The following NIN variants were observed in gnomAD, a reference collection of about 807,000 sequenced individuals.
NIN encodes the protein glycogen synthase kinase 3 beta-interacting protein.
A neutral mutation model predicts 257.6 loss-of-function variants in NIN; 137 were observed. The ratio of observed to expected loss-of-function variants is 0.53; its 90% CI spans 0.46 to 0.61. NIN has a LOEUF of 0.61. Ranked by LOEUF, NIN falls within the 20% of genes least tolerant of loss-of-function variation. The probability of loss-of-function intolerance (pLI) is 0.00; values close to 1 mark genes in which losing one functional copy is unlikely to be tolerated. For missense variants in NIN, 2,439 were observed against 2,501.2 expected (o/e 0.98, Z 0.53); for synonymous variants, 918 against 919.8 (o/e 1.00, Z 0.04).
At chr14:50,759,264 A>G (rs532984135) in intron 17 of NIN, among the ~76,000 whole-genome samples, 1 of 152,346 alleles carries the variant, frequency 6.6e-6, no homozygotes, top group South Asian at 2.1e-4. Flanking sequence ...GGAAGGAACC[A>G]CTTTTGGGAT....
At chr14:50,823,057 A>T in intron 2 of NIN, 1 of 398,896 alleles carries the variant, frequency 2.5e-6, no homozygotes, top group East Asian at 5.6e-5. Context: ...TGTCCTTAGG[A>T]TCAGTAAAAA....
chr14:50,753,605 T>C (rs2041894668), intron 20 of NIN, among the ~76,000 whole-genome samples: 1 of 152,222 alleles, frequency 6.6e-6, no homozygotes. Flanking sequence ...GTATTTTGTA[T>C]TTAGAATTAT....
In NIN at chr14:50,735,544, T is replaced by C; in HGVS notation, c.5849A>G (p.Gln1950Arg). The change falls in exon 28 of 31, where the codon CAA (glutamine) becomes CGA (arginine). Residue 1950 changes from glutamine to arginine, a missense_variant. Transcript: ENST00000530997. ...CATGAGCTGCTCATCCAGTTTTACT[T>C]GTTTCTTTTTCAGGCCTTCATTTTC... ...HLENEGLKKK[Q>R]VKLDEQLMEM... is the part of the protein sequence containing the mutation. The C allele has an allele frequency of 6.2e-7, 1 of 1,613,272 alleles. No individual in the cohort carries two copies. The highest frequency in any genetic ancestry group is 8.5e-7 in the Non-Finnish European group (1 of 1,180,010).
rs1566811366 is a variant in NIN at position 50,757,303 on chromosome 14, C to G, written c.3727G>C (p.Glu1243Gln). Residue 1243 changes from glutamate (E) to glutamine (Q), a missense_variant, in exon 18 of 31, where the codon GAG (glutamate) becomes CAG (glutamine). Coordinates refer to ENST00000530997, the MANE Select transcript of NIN (RefSeq NM_020921.4). ...AACAGCTTATATTTGGGAGAAGCCT[C>G]AGGGATTCTCTCAAGCATCTTCAGT... is the stretch of plus-strand genomic sequence containing the variant. ...KKLKMLERIP[E>Q]ASPKYKLLYE... 5 of 1,614,088 alleles carry G rather than the reference C, an allele frequency of 3.1e-6. No homozygotes were observed. Among genetic ancestry groups the G allele is most frequent in the Non-Finnish European group, 3.4e-6 (4 of 1,180,004 alleles).
intron 21 of NIN, among the ~76,000 whole-genome samples, chr14:50,749,694 G>GT (rs1005623947): frequency 1.1e-4 from 16 of 151,636 alleles, no homozygotes; most frequent in Admixed American, 8.6e-4. Flanking sequence ...TATTTATTCA[G>GT]TTTTTTTGGT....
intron 5 of NIN, among the ~76,000 whole-genome samples, chr14:50,786,097 G>A (rs1315101714): frequency 6.6e-6 from 1 of 152,142 alleles, no homozygotes; most frequent in Non-Finnish European, 1.5e-5. Flanking sequence ...TGGTACTGCT[G>A]GTCCAAGGAA....
intron 12 of NIN, among the ~76,000 whole-genome samples, chr14:50,770,127 C>T (rs1202105339): frequency 6.6e-6 from 1 of 152,062 alleles, no homozygotes; most frequent in Non-Finnish European, 1.5e-5. Flanking sequence ...TGCCAAACAG[C>T]CCTGAAGACC....
At chr14:50,762,423 C>T (rs527639199) in intron 15 of NIN, among the ~76,000 whole-genome samples, 92 of 152,232 alleles carry the variant, frequency 6.0e-4, no homozygotes, top group Non-Finnish European at 9.4e-4. Context: ...CAGAAGACTG[C>T]CTATTTCCTA....
chr14:50,815,883 C>A (rs989160841), intron 3 of NIN, among the ~76,000 whole-genome samples: 3 of 152,082 alleles, frequency 2.0e-5, no homozygotes, highest in Non-Finnish European at 4.4e-5. Context: ...GTGGCATGCA[C>A]CTGTAATCCC....
chr14:50,799,735 A>G (rs185928983), intron 4 of NIN, among the ~76,000 whole-genome samples: 1 of 152,214 alleles, frequency 6.6e-6, no homozygotes, highest in East Asian at 1.9e-4. Context: ...TAATCCCAGC[A>G]CTTTGCGAGG....
chr14:50,725,427 TC>T (rs2040370738), intron 30 of NIN, among the ~76,000 whole-genome samples: 1 of 152,152 alleles, frequency 6.6e-6, no homozygotes, highest in African/African-American at 2.4e-5. Flanking sequence ...AGATTCTAAC[TC>T]AAAGTACATC....
chr14:50,780,311 G>T (rs549962630), intron 5 of NIN, among the ~76,000 whole-genome samples: 1 of 152,364 alleles, frequency 6.6e-6, no homozygotes. Flanking sequence ...GAATGAAGCT[G>T]CCTTTGATAA....
chr14:50,789,422 A>C (rs967262451), intron 5 of NIN, among the ~76,000 whole-genome samples: 1 of 152,234 alleles, frequency 6.6e-6, no homozygotes, highest in East Asian at 1.9e-4. Context: ...GAAATACAAA[A>C]ATTAGCCAGG....
At chr14:50,799,429 A>T (rs2043984895) in intron 4 of NIN, among the ~76,000 whole-genome samples, 1 of 152,202 alleles carries the variant, frequency 6.6e-6, no homozygotes, top group Non-Finnish European at 1.5e-5. Context: ...AGCAGTCAGC[A>T]AGAGTCTCTC....
chr14:50,763,339 T>C (rs1047622441), intron 15 of NIN, among the ~76,000 whole-genome samples: 1 of 152,162 alleles, frequency 6.6e-6, no homozygotes, highest in Admixed American at 6.5e-5. Context: ...GGCCAGCCCT[T>C]ATTTATCTTC....
chr14:50,765,955 C>A (rs143013833), intron 14 of NIN, among the ~76,000 whole-genome samples: 62 of 150,758 alleles, frequency 4.1e-4, no homozygotes, highest in Non-Finnish European at 7.2e-4. Flanking sequence ...CCCACTAACT[C>A]GTCATCTAGC....
chr14:50,786,774 A>G (rs562105576), intron 5 of NIN, among the ~76,000 whole-genome samples: 1 of 152,378 alleles, frequency 6.6e-6, no homozygotes, highest in African/African-American at 2.4e-5. Context: ...CATTTCAGCT[A>G]CAAAAGATCT....
In NIN at chr14:50,756,762, G is replaced by C; in HGVS notation, c.4268C>G (p.Pro1423Arg). The change falls in exon 18 of 31, where the codon CCA becomes CGA. Residue 1423 changes from proline (P) to arginine (R), a missense_variant. Around this residue, in one of 3 missense-constraint regions of NIN, gnomAD observed 2,043 missense variants for 2,050.2 expected, o/e 1.00. Transcript: ENST00000530997. ...CAGTATAACTTGATTCTGTACTCTT[G>C]GCCTTTCTTGATGTGTCTGAATTGT... ...HGTIQTHQER[P>R]RVQNQVILEE... 6.4e-7 allele frequency: 1 copy of C among 1,551,502 alleles called. No individual in the cohort carries two copies. The highest frequency in any genetic ancestry group is 8.7e-7 in the Non-Finnish European group (1 of 1,146,960).
rs2040245229 is a variant in NIN at position 50,720,234 on chromosome 14, C to T, written c.*3229G>A. 4.5e-6 allele frequency: 1 copy of T among 222,324 alleles called. No individual in the cohort carries two copies. Among genetic ancestry groups the T allele is most frequent in the African/African-American group, 2.2e-5 (1 of 44,694 alleles). The allele number at this position is 222,324 out of a possible 1,614,324, so 13.8% of individuals were successfully genotyped here. A position where few individuals can be genotyped will look rare whatever the true frequency, so the allele number is the denominator to read the frequency against. ...CATTACTTGTATAATTATATCATTCCAATGAGTCACTACAGGTAATCCATT... is the reference window on the plus strand; with the variant it reads ...CATTACTTGTATAATTATATCATTCTAATGAGTCACTACAGGTAATCCATT... On this transcript the variant is annotated 3_prime_UTR_variant, in exon 31 of 31. Transcript: ENST00000530997.
Sources: gnomAD v4.1 joint callset for allele counts (sites outside exome capture counted in the v4.1 genomes callset) on GRCh38, gnomAD v4.1.1 for gene constraint, gnomAD v4.1.1 regional missense constraint, MANE v1.5 for transcripts, NCBI Gene and HGNC (gene_info 2026-07-23, HGNC 2026-07-21) for gene names.